ANKRD10: variants seen among roughly 807,000 people sequenced by gnomAD.
ANKRD10 encodes the protein ankyrin repeat domain 10.
A neutral mutation model predicts 27.0 loss-of-function variants in ANKRD10; 14 were observed. The observed-to-expected ratio is 0.52, with a 90% confidence interval of 0.34 to 0.81. ANKRD10 has a LOEUF of 0.81. ANKRD10 is among the 40% of genes least tolerant of loss of function. The pLI, the probability that ANKRD10 is intolerant of heterozygous loss-of-function variation, is 0.01. For missense variants in ANKRD10, 493 were observed against 544.0 expected (o/e 0.91, Z 0.93); for synonymous variants, 250 against 224.5 (o/e 1.11, Z -1.01).
intron 3 of ANKRD10, among the ~76,000 whole-genome samples, chr13:110,903,750 G>A (rs1461335533): frequency 6.6e-6 from 1 of 152,010 alleles, no homozygotes; most frequent in African/African-American, 2.4e-5. Context: ...CTATTCACAG[G>A]AAAAGGAAAA....
Position 110,888,613 on chromosome 13 carries a change from T to A in ANKRD10, c.691+4415A>T, listed in dbSNP as rs184885950. ...TCAAGTTTCAAGCAATAAACATCTA[T>A]CATTTAACAAACCAGCTGGTCATAT... On this transcript the variant is annotated intron_variant, in intron 4 of 5. Coordinates refer to ENST00000267339, the MANE Select transcript of ANKRD10 (RefSeq NM_017664.4). Among the ~76,000 whole-genome samples the A allele has an allele frequency of 1.7e-4, 26 of 152,274 alleles. No individual in the cohort carries two copies. In the East Asian group the frequency reaches 3.5e-3, roughly 20 times the overall value.
chr13:110,879,511 T>C lies in ANKRD10; in HGVS notation c.*126A>G. On this transcript the variant is annotated 3_prime_UTR_variant, in exon 6 of 6. Coordinates refer to ENST00000267339, the MANE Select transcript of ANKRD10 (RefSeq NM_017664.4). ...GCTGGGAACTTGTCGAAGTTTACTTTTTCAGAAAGTTGAAGTATATAAAAA... is the reference window on the plus strand; with the variant it reads ...GCTGGGAACTTGTCGAAGTTTACTTCTTCAGAAAGTTGAAGTATATAAAAA... The C allele has an allele frequency of 1.3e-6, 1 of 751,718 alleles. No homozygotes were observed. Among genetic ancestry groups the C allele is most frequent in the Non-Finnish European group, 2.1e-6 (1 of 467,844 alleles). 46.6% of individuals were successfully genotyped at this position (751,718 alleles called of 1,614,324 possible). A position where few individuals can be genotyped will look rare whatever the true frequency, so the allele number is the denominator to read the frequency against.
intron 3 of ANKRD10, among the ~76,000 whole-genome samples, chr13:110,899,593 T>A (rs1184357486): frequency 3.9e-5 from 6 of 152,232 alleles, no homozygotes; most frequent in African/African-American, 1.4e-4. Flanking sequence ...AAACTCAGCA[T>A]GATCAGATTT....
chr13:110,892,696 G>A (rs2065113516), intron 4 of ANKRD10: 8 of 991,494 alleles, frequency 8.1e-6, no homozygotes, highest in Non-Finnish European at 9.6e-6. Flanking sequence ...AAAAAATTCA[G>A]GCACAGTGGC....
At chr13:110,913,842 CTTAT>C (rs1038899351) in intron 1 of ANKRD10, among the ~76,000 whole-genome samples, 14 of 152,290 alleles carry the variant, frequency 9.2e-5, no homozygotes, top group African/African-American at 3.1e-4. Flanking sequence ...ACGGTGAAAT[CTTAT>C]TTAAGATTTC....
chr13:110,888,762 A>C lies in ANKRD10; in HGVS notation c.691+4266T>G, dbSNP rs140251969. Among the ~76,000 whole-genome samples, 735 of 152,324 alleles carry C rather than the reference A, an allele frequency of 4.8e-3. 5 individuals are homozygous for C. The highest frequency in any genetic ancestry group is 0.02 in the South Asian group (96 of 4,828). ...GTTAAAACTTTCCACCGGTAATTTT[A>C]CCTTTAAATCATCATGTTGTAGATA... On this transcript the variant is annotated intron_variant, in intron 4 of 5. Coordinates refer to ENST00000267339, the MANE Select transcript of ANKRD10 (RefSeq NM_017664.4).
Position 110,879,716 on chromosome 13 carries a change from T to C in ANKRD10, c.1184A>G (p.Glu395Gly), listed in dbSNP as rs1343528608. ...ESIPELNSVV[E>G]HSKSVKVQER... ...CTGCACCTTCACGGACTTGGAATGC[T>C]CGACCACACTGTTCAGTTCTGGGAT... Residue 395 changes from glutamate (E) to glycine (G), a missense_variant, in exon 6 of 6, where the codon GAG (glutamate) becomes GGG (glycine). Transcript: ENST00000267339. The C allele has an allele frequency of 6.2e-7, 1 of 1,614,220 alleles. No homozygotes were observed. The highest frequency in any genetic ancestry group is 2.2e-5 in the East Asian group (1 of 44,888).
intron 5 of ANKRD10, among the ~76,000 whole-genome samples, chr13:110,881,980 TCC>T (rs2064828316): frequency 6.6e-6 from 1 of 152,012 alleles, no homozygotes; most frequent in African/African-American, 2.4e-5. Flanking sequence ...GACCCGCACT[TCC>T]CTTCTGTCTG....
intron 5 of ANKRD10, chr13:110,883,479 C>T: frequency 7.8e-7 from 1 of 1,280,796 alleles, no homozygotes; most frequent in Non-Finnish European, 9.9e-7. Flanking sequence ...TATAGTATAA[C>T]ATTTTTAAAA....
In ANKRD10 at chr13:110,880,159, G is replaced by T; in HGVS notation, c.788-47C>A. On this transcript the variant is annotated intron_variant, in intron 5 of 5. Coordinates refer to ENST00000267339, the MANE Select transcript of ANKRD10 (RefSeq NM_017664.4). The stretch of plus-strand genomic sequence containing the variant: ...TCACCAAAATTCAGAACCAATGAGG[G>T]AGGAGAAACTATAAAATGCTTCACT... 3 of 1,490,894 alleles carry T rather than the reference G, an allele frequency of 2.0e-6. No homozygotes were observed. In the Admixed American group the frequency reaches 5.8e-5, roughly 29 times the overall value. 92.4% of individuals were successfully genotyped at this position (1,490,894 alleles called of 1,614,324 possible).
intron 5 of ANKRD10, among the ~76,000 whole-genome samples, chr13:110,882,686 T>C (rs1200046176): frequency 1.3e-5 from 2 of 152,232 alleles, no homozygotes; most frequent in African/African-American, 4.8e-5. Context: ...TTATTTTAAA[T>C]ATACTAACTG....
intron 5 of ANKRD10, among the ~76,000 whole-genome samples, chr13:110,880,330 G>T (rs1389549547): frequency 6.6e-6 from 1 of 152,144 alleles, no homozygotes; most frequent in Non-Finnish European, 1.5e-5. Context: ...AATCATGTGT[G>T]TGTCAGTAGC....
Position 110,915,022 on chromosome 13 carries a change from G to T in ANKRD10, c.-88C>A. 6.8e-7 allele frequency: 1 copy of T among 1,465,388 alleles called. No homozygotes were observed. The allele number at this position is 1,465,388 out of a possible 1,614,324, so 90.8% of individuals were successfully genotyped here. ...AGCCGCCGCCGCAGCACAAAGGAAC[G>T]AGACTAGCGCCGCGGTCGCGTCCCA... On this transcript the variant is annotated 5_prime_UTR_variant, in exon 1 of 6. Transcript: ENST00000267339.
In ANKRD10 at chr13:110,879,670, C is replaced by T. The variant is rs369285672; in HGVS notation, c.1230G>A (p.Val410=). The stretch of plus-strand genomic sequence containing the variant: ...CGTGGTGCAGGTGCATGGTGCCCAG[C>T]ACGGCACTGTCGTACCGCTCCTGCA... The part of the protein sequence containing the change: ...VKVQERYDSA[V]LGTMHLHHGS The change falls in exon 6 of 6, where the codon GTG becomes GTA. Residue 410 remains valine, a synonymous_variant. Transcript: ENST00000267339. The T allele has an allele frequency of 6.2e-7, 1 of 1,613,724 alleles. No homozygotes were observed. Among genetic ancestry groups the T allele is most frequent in the South Asian group, 1.1e-5 (1 of 91,014 alleles).
chr13:110,910,411 G>A (rs2065661142), intron 2 of ANKRD10, among the ~76,000 whole-genome samples: 1 of 152,164 alleles, frequency 6.6e-6, no homozygotes, highest in Non-Finnish European at 1.5e-5. Context: ...TCACACAACA[G>A]GTGAAAGCAC....
chr13:110,884,274 A>G (rs2064874696), intron 4 of ANKRD10, among the ~76,000 whole-genome samples: 1 of 152,234 alleles, frequency 6.6e-6, no homozygotes, highest in South Asian at 2.1e-4. Flanking sequence ...ACTGTCCCAG[A>G]GTGGCATTTG....
rs955067458 is a variant in ANKRD10 at position 110,892,855 on chromosome 13, C to T, written c.691+173G>A. The T allele has an allele frequency of 5.8e-6, 8 of 1,390,304 alleles. No homozygotes were observed. The African/African-American group carries it at 7.3e-5, about 13-fold the overall frequency. 86.1% of individuals were successfully genotyped at this position (1,390,304 alleles called of 1,614,324 possible). A position where few individuals can be genotyped will look rare whatever the true frequency, so the allele number is the denominator to read the frequency against. ...CCCTCACATTCCCTTTTGTTAAGTC[C>T]CATCTTCGCAGTGGCAGTACAGGAG... On this transcript the variant is annotated intron_variant, in intron 4 of 5. Transcript: ENST00000267339.
chr13:110,908,141 T>C (rs142188807), intron 2 of ANKRD10, among the ~76,000 whole-genome samples: 408 of 152,162 alleles, frequency 2.7e-3, no homozygotes, highest in African/African-American at 9.0e-3. Context: ...CCACAGCAAA[T>C]TGAGTGATCT....
chr13:110,896,843 AC>A (rs1337761893), intron 3 of ANKRD10, among the ~76,000 whole-genome samples: 3 of 152,202 alleles, frequency 2.0e-5, no homozygotes, highest in African/African-American at 7.2e-5. Context: ...AAATGTAGAA[AC>A]CATTCTTGGG....
Sources: gnomAD v4.1 joint callset for allele counts (sites outside exome capture counted in the v4.1 genomes callset) on GRCh38, gnomAD v4.1.1 for gene constraint, MANE v1.5 for transcripts, NCBI Gene and HGNC (gene_info 2026-07-23, HGNC 2026-07-21) for gene names.